Variants in YEATS4 observed in about 807,000 individuals in gnomAD.
The protein encoded by YEATS4 is YEATS domain containing 4, also known as YEATS domain-containing protein 4.
YEATS4 carries 17 observed loss-of-function variants against 30.1 expected under a neutral mutation model. That is an observed-to-expected ratio of 0.56 (90% confidence interval 0.39 to 0.85). The LOEUF (loss-of-function observed/expected upper bound fraction) is 0.85, where lower values mean the gene tolerates loss of function less well. YEATS4 is among the 40% of genes least tolerant of loss of function. The pLI is 0.00. For missense variants in YEATS4, 142 were observed against 268.3 expected (o/e 0.53, Z 3.29); for synonymous variants, 85 against 87.5 (o/e 0.97, Z 0.16).
chr12:69,388,187 C>T (rs970067288), intron 6 of YEATS4, among the ~76,000 whole-genome samples: 3 of 151,962 alleles, frequency 2.0e-5, no homozygotes, highest in African/African-American at 4.8e-5. Context: ...CAGCCTCACG[C>T]GTAGCTGGGA....
chr12:69,398,930 C>A, the YEATS4 span, among the ~76,000 whole-genome samples: 3 of 152,054 alleles, frequency 2.0e-5, no homozygotes, highest in East Asian at 5.8e-4. Context: ...GCAGGTGGAT[C>A]ATGAGGTCAG....
At chr12:69,400,275 A>C in the YEATS4 span, among the ~76,000 whole-genome samples, 1 of 152,200 alleles carries the variant, frequency 6.6e-6, no homozygotes, top group Non-Finnish European at 1.5e-5. Flanking sequence ...CATACTAGGA[A>C]GTCATAGAGC....
the YEATS4 span, among the ~76,000 whole-genome samples, chr12:69,401,865 C>T: frequency 2.3e-3 from 355 of 152,250 alleles, no homozygotes; most frequent in African/African-American, 8.2e-3. Context: ...AGCTCACCCT[C>T]CTCTAAACTA....
the YEATS4 span, among the ~76,000 whole-genome samples, chr12:69,412,886 T>C: frequency 1.3e-5 from 2 of 151,620 alleles, no homozygotes; most frequent in African/African-American, 4.8e-5. Flanking sequence ...TGAGGCTTCA[T>C]AGGAGTTAGC....
chr12:69,411,269 G>A, the YEATS4 span, among the ~76,000 whole-genome samples: 3,262 of 152,050 alleles, frequency 0.021, 110 homozygotes, highest in African/African-American at 0.073. Context: ...AGCTGGGACC[G>A]CAGGCCTGTG....
the YEATS4 span, among the ~76,000 whole-genome samples, chr12:69,410,023 T>G: frequency 6.6e-6 from 1 of 152,220 alleles, no homozygotes; most frequent in African/African-American, 2.4e-5. Context: ...ACCTTGACTT[T>G]CAGCCTCCAG....
chr12:69,368,219 G>C (rs1282625003), intron 4 of YEATS4, among the ~76,000 whole-genome samples: 1 of 152,086 alleles, frequency 6.6e-6, no homozygotes, highest in East Asian at 1.9e-4. Context: ...AAGACAAGTT[G>C]GTTGGAAGAC....
chr12:69,360,036 A>G lies in YEATS4; in HGVS notation c.51+13A>G. 1 of 1,611,248 alleles carries G rather than the reference A, an allele frequency of 6.2e-7. No homozygotes were observed. ...CGGGAGAGTAAAGGTCAGTGCCCGG[A>G]CCGCCCCTCTTCCGGGGTGGCTCTC... On this transcript the variant is annotated intron_variant, in intron 1 of 6. Coordinates refer to ENST00000247843, the MANE Select transcript of YEATS4 (RefSeq NM_006530.4).
In YEATS4 at chr12:69,390,385, T is replaced by G; in HGVS notation, c.*69T>G. On this transcript the variant is annotated 3_prime_UTR_variant, in exon 7 of 7. Coordinates refer to ENST00000247843, the MANE Select transcript of YEATS4 (RefSeq NM_006530.4). ...GGTGGGCTTCACTGGAGAAATGGAC[T>G]TACTGCAAATGCTGTGATGTTTCTT... The G allele has an allele frequency of 7.2e-7, 1 of 1,380,572 alleles. No homozygotes were observed. Among genetic ancestry groups the G allele is most frequent in the Non-Finnish European group, 9.7e-7 (1 of 1,031,818 alleles). 85.5% of individuals were successfully genotyped at this position (1,380,572 alleles called of 1,614,324 possible).
chr12:69,404,774 CA>C, the YEATS4 span, among the ~76,000 whole-genome samples: 6 of 152,338 alleles, frequency 3.9e-5, no homozygotes, highest in East Asian at 3.9e-4. Context: ...GTGAGAACTG[CA>C]ACCCTCCACT....
At chr12:69,409,043 C>T in the YEATS4 span, among the ~76,000 whole-genome samples, 2 of 152,208 alleles carry the variant, frequency 1.3e-5, no homozygotes, top group South Asian at 2.1e-4. Flanking sequence ...ATATATCAGA[C>T]GGCTGACTTA....
chr12:69,368,269 C>T (rs530851460), intron 4 of YEATS4, among the ~76,000 whole-genome samples: 84 of 152,278 alleles, frequency 5.5e-4, no homozygotes, highest in African/African-American at 1.9e-3. Context: ...ACCTATTATA[C>T]AGATCAAGCC....
At chr12:69,403,685 C>T in the YEATS4 span, among the ~76,000 whole-genome samples, 1 of 152,094 alleles carries the variant, frequency 6.6e-6, no homozygotes, top group Non-Finnish European at 1.5e-5. Flanking sequence ...TGTCACCTAC[C>T]TGTTCATGAA....
chr12:69,409,230 A>C, the YEATS4 span, among the ~76,000 whole-genome samples: 1 of 152,212 alleles, frequency 6.6e-6, no homozygotes, highest in Admixed American at 6.5e-5. Flanking sequence ...AGTCATAATC[A>C]TACTTGCATC....
chr12:69,365,517 C>A, intron 2 of YEATS4, 116 bp from the exon 3 acceptor site: 4 of 689,372 alleles, frequency 5.8e-6, no homozygotes, highest in East Asian at 2.9e-5. Flanking sequence ...AAATTAGATT[C>A]CATAAAATTT....
chr12:69,405,706 C>T, the YEATS4 span, among the ~76,000 whole-genome samples: 5 of 152,192 alleles, frequency 3.3e-5, no homozygotes, highest in Non-Finnish European at 7.3e-5. Flanking sequence ...GATTCATGCC[C>T]TGGGCAGGAT....
At chr12:69,361,760 A>G (rs192866056) in intron 1 of YEATS4, among the ~76,000 whole-genome samples, 37 of 152,362 alleles carry the variant, frequency 2.4e-4, no homozygotes, top group Non-Finnish European at 4.7e-4. Flanking sequence ...TCTTTCCAAC[A>G]TAATCTGTCA....
chr12:69,412,076 G>A, the YEATS4 span, among the ~76,000 whole-genome samples: 2 of 152,226 alleles, frequency 1.3e-5, no homozygotes, highest in African/African-American at 4.8e-5. Flanking sequence ...GCCCATGTCA[G>A]AGTCCAGACA....
chr12:69,421,005 T>C, the YEATS4 span, among the ~76,000 whole-genome samples: 7,855 of 152,236 alleles, frequency 0.052, 678 homozygotes, highest in African/African-American at 0.18. Context: ...TAATATTCCA[T>C]TCTAGGGATA....
Sources: allele counts gnomAD v4.1 joint callset (sites outside exome capture counted in the v4.1 genomes callset), GRCh38; gene constraint gnomAD v4.1.1; transcripts MANE v1.5; gene names NCBI Gene and HGNC (gene_info 2026-07-23, HGNC 2026-07-21).